Variants in DNAH17 observed in about 807,000 individuals in gnomAD.
DNAH17 encodes the protein dynein axonemal heavy chain 17, also known as axonemal beta dynein heavy chain 17.
DNAH17 carries 376 observed loss-of-function variants against 485.6 expected under a neutral mutation model. The observed-to-expected ratio is 0.77, with a 90% confidence interval of 0.71 to 0.84. The LOEUF is 0.84. DNAH17 is among the 40% of genes least tolerant of loss of function. The pLI, the probability that DNAH17 is intolerant of heterozygous loss-of-function variation, is 0.00. For synonymous variants in DNAH17, 3,031 were observed against 2,405.9 expected, an observed-to-expected ratio of 1.26 and a Z score of -7.60; for missense variants, 6,370 against 5,839.3, an observed-to-expected ratio of 1.09 and a Z score of -2.96.
chr17:78,571,776 G>T lies in DNAH17; in HGVS notation c.546C>A (p.Pro182=), dbSNP rs537871773. The T allele has an allele frequency of 1.3e-6, 2 of 1,586,604 alleles. No homozygotes were observed. The highest frequency in any genetic ancestry group is 3.4e-5 in the Admixed American group (2 of 58,146). The part of the protein sequence containing the change: ...DGTLESMERI[P]SSLDNLLLHA... ...GCAGGAGCAAGTTGTCCAGTGAAGA[G>T]GGGATCCTGCCCAGTGGAAGGTTGG... is the stretch of plus-strand genomic sequence containing the variant. Residue 182 remains proline, a synonymous_variant, in exon 4 of 81, where the codon CCC becomes CCA. Coordinates refer to ENST00000389840, the MANE Select transcript of DNAH17 (RefSeq NM_173628.4).
Position 78,505,230 on chromosome 17 carries a change from G to C in DNAH17, c.4956+63C>G, listed in dbSNP as rs1295914575. On this transcript the variant is annotated intron_variant, in intron 31 of 80. Transcript: ENST00000389840. ...TCCGGACATCGCCATCTGAGGGCGT[G>C]TGGCCCACACGCGTGCTGCACCCTT... is the stretch of plus-strand genomic sequence containing the variant. 6.3e-6 allele frequency: 10 copies of C among 1,596,528 alleles called. No individual in the cohort carries two copies. The African/African-American group carries it at 1.3e-4, about 21-fold the overall frequency.
chr17:78,452,891 G>C (rs116720446), intron 65 of DNAH17, among the ~76,000 whole-genome samples: 1,601 of 152,294 alleles, frequency 0.011, 40 homozygotes, highest in African/African-American at 0.037. Context: ...GGGGAATGAA[G>C]AAGAGTGGGT....
At chr17:78,543,585 C>A (rs1055605062) in intron 17 of DNAH17, among the ~76,000 whole-genome samples, 2 of 152,102 alleles carry the variant, frequency 1.3e-5, no homozygotes, top group Non-Finnish European at 2.9e-5. Context: ...CCACCGCGCC[C>A]GGCCAATTTT....
chr17:78,552,564 GC>G, intron 15 of DNAH17, 132 bp downstream of exon 15: 3 of 453,538 alleles, frequency 6.6e-6, no homozygotes, highest in Non-Finnish European at 1.2e-5. Flanking sequence ...CTATCCTTTA[GC>G]CCCCTTGAAG....
rs568203107 is a variant in DNAH17, at chr17:78,458,455, C to G, written c.9977+110G>C. On this transcript the variant is annotated intron_variant, in intron 62 of 80. Coordinates refer to ENST00000389840, the MANE Select transcript of DNAH17 (RefSeq NM_173628.4). Reference sequence around the variant, plus strand: ...GAGCTCAAGAAGTGAAAGTGGCAACCTGGCTGCTTCCACCTGGGCTCCCTC... The same window carrying G: ...GAGCTCAAGAAGTGAAAGTGGCAACGTGGCTGCTTCCACCTGGGCTCCCTC... 1.9e-5 allele frequency: 17 copies of G among 894,290 alleles called. No individual in the cohort carries two copies. The South Asian group carries it at 2.5e-4, about 13-fold the overall frequency. The allele number at this position is 894,290 out of a possible 1,614,324, so 55.4% of individuals were successfully genotyped here.
intron 17 of DNAH17, 38 bp downstream of exon 17, chr17:78,543,819 A>G: frequency 6.2e-7 from 1 of 1,613,874 alleles, no homozygotes; most frequent in Non-Finnish European, 8.5e-7. Context: ...TGCTAAAAGC[A>G]AGTGGGTTCT....
intron 16 of DNAH17, 77 bp downstream of exon 16, chr17:78,551,458 C>T: frequency 1.5e-6 from 2 of 1,360,340 alleles, no homozygotes; most frequent in South Asian, 1.2e-5. Flanking sequence ...TTCCATGGGC[C>T]TCTACGTAGC....
rs1234878102 is a variant in DNAH17, at chr17:78,429,111, T to G, written c.12405+10A>C. ...TTACGTTGAGCTCCTGTTTAACTTG[T>G]CATCCTTACCTTGTAGTCCAGGTTG... is the stretch of plus-strand genomic sequence containing the variant. On this transcript the variant is annotated intron_variant, in intron 76 of 80. Coordinates refer to ENST00000389840, the MANE Select transcript of DNAH17 (RefSeq NM_173628.4). 1 of 1,609,764 alleles carries G rather than the reference T, an allele frequency of 6.2e-7. No individual in the cohort carries two copies. Among genetic ancestry groups the G allele is most frequent in the Non-Finnish European group, 8.5e-7 (1 of 1,176,898 alleles).
chr17:78,480,136 G>C (rs973759001), intron 49 of DNAH17, among the ~76,000 whole-genome samples: 1 of 148,732 alleles, frequency 6.7e-6, no homozygotes, highest in African/African-American at 2.5e-5. Context: ...ATCACTTGAG[G>C]TCAGAAGTTC....
At chr17:78,522,439 C>A in intron 25 of DNAH17, 1 of 298,514 alleles carries the variant, frequency 3.3e-6, no homozygotes. Context: ...GAACAATCTT[C>A]TGGAATGGAA....
chr17:78,430,262 A>G (rs1296692317), intron 75 of DNAH17, among the ~76,000 whole-genome samples: 3 of 152,168 alleles, frequency 2.0e-5, no homozygotes, highest in Admixed American at 6.6e-5. Context: ...GTCATTTTAA[A>G]TTTTGTGGCA....
rs141594644 is a variant in DNAH17, at chr17:78,459,961, T to C, written c.9476A>G (p.Asp3159Gly). ...GGCGGCGGTGACGTTGACCACAGCA[T>C]CCGGCGGGGACCCAAAGGACTTCAG... ...TELKSFGSPP[D>G]AVVNVTAAVM... The change falls in exon 60 of 81, where the codon GAT becomes GGT. Residue 3159 changes from aspartate to glycine, a missense_variant. Physicochemically the swap from Asp to Gly is moderately conservative, Grantham distance 94 (BLOSUM62 -1). Transcript: ENST00000389840. The C allele has an allele frequency of 2.6e-5, 42 of 1,613,302 alleles. No homozygotes were observed. The highest frequency in any genetic ancestry group is 3.3e-5 in the South Asian group (3 of 91,072).
At chr17:78,575,226 T>TG (rs2092416844) in intron 1 of DNAH17, 144 bp from the exon 2 acceptor site, 1 of 670,176 alleles carries the variant, frequency 1.5e-6, no homozygotes, top group East Asian at 2.8e-5. Context: ...TAGCTGTGGT[T>TG]GGGTTGGGGT....
At chr17:78,475,188 C>T (rs2088958032) in intron 54 of DNAH17, 90 bp downstream of exon 54, 32 of 1,420,316 alleles carry the variant, frequency 2.3e-5, no homozygotes, top group East Asian at 6.9e-5. Context: ...TCCCTGTACT[C>T]GCTGGCTTCA....
intron 74 of DNAH17, 97 bp from the exon 75 acceptor site, chr17:78,434,317 T>C: frequency 8.2e-7 from 1 of 1,225,824 alleles, no homozygotes; most frequent in African/African-American, 1.5e-5. Flanking sequence ...TGCCAGATGC[T>C]TTGCTAGGGT....
intron 13 of DNAH17, among the ~76,000 whole-genome samples, chr17:78,559,466 G>A (rs1031510426): frequency 6.6e-6 from 1 of 152,086 alleles, no homozygotes; most frequent in Non-Finnish European, 1.5e-5. Context: ...AACCTACTAG[G>A]AGTCTCCATG....
intron 43 of DNAH17, 99 bp from the exon 44 acceptor site, chr17:78,490,946 G>A: frequency 7.1e-7 from 1 of 1,405,156 alleles, no homozygotes; most frequent in Non-Finnish European, 9.4e-7. Context: ...TCCGAGCAAG[G>A]AGGAGGGGCC....
chr17:78,426,379 C>T, intron 79 of DNAH17, 78 bp downstream of exon 79: 1 of 1,458,166 alleles, frequency 6.9e-7, no homozygotes, highest in South Asian at 1.5e-5. Context: ...CCTGCAGGCT[C>T]TAGGGTGTGG....
intron 62 of DNAH17, among the ~76,000 whole-genome samples, chr17:78,457,199 T>G (rs753190695): frequency 1.1e-4 from 17 of 152,302 alleles, no homozygotes; most frequent in Non-Finnish European, 1.8e-4. Flanking sequence ...GGTGAAACCC[T>G]GTCTCTACTA....
Sources: allele counts gnomAD v4.1 joint callset (sites outside exome capture counted in the v4.1 genomes callset), GRCh38; gene constraint gnomAD v4.1.1; transcripts MANE v1.5; gene names NCBI Gene and HGNC (gene_info 2026-07-23, HGNC 2026-07-21).